Variants in CABLES1 observed in about 807,000 individuals in gnomAD.
The protein encoded by CABLES1 is CDK5 and ABL1 enzyme substrate 1.
In CABLES1, 36 loss-of-function variants were observed where a neutral mutation model predicts 57.8. The observed-to-expected ratio is 0.62, with a 90% CI of 0.48 to 0.82. The LOEUF is 0.82. Among genes scored for constraint, CABLES1 ranks in the 40% least tolerant of loss-of-function variants. The pLI is 0.00. For missense variants in CABLES1, 767 were observed against 836.6 expected, an observed-to-expected ratio of 0.92 and a Z score of 1.03; for synonymous variants, 374 against 363.0, an observed-to-expected ratio of 1.03 and a Z score of -0.35.
chr18:23,203,652 G>C (rs1448000081), intron 3 of CABLES1, among the ~76,000 whole-genome samples: 1 of 152,162 alleles, frequency 6.6e-6, no homozygotes, highest in Non-Finnish European at 1.5e-5. Context: ...TCAGTTCCAA[G>C]CTGTCGGCCT....
In CABLES1 at chr18:23,145,289, G is replaced by C. The variant is rs573074590; in HGVS notation, c.845+8682G>C. ...GGTTTCATCATGTTAGCCAGGCTGG[G>C]CTCGATCTCTTGACCTCGTGATCTG... On this transcript the variant is annotated intron_variant, in intron 1 of 9. Transcript: ENST00000256925. Among the ~76,000 whole-genome samples the C allele has an allele frequency of 1.1e-3, 171 of 151,894 alleles. 2 individuals are homozygous for C. Among genetic ancestry groups the C allele is most frequent in the African/African-American group, 3.9e-3 (160 of 41,386 alleles).
At chr18:23,238,884 G>A (rs555983775) in intron 7 of CABLES1, among the ~76,000 whole-genome samples, 1 of 152,168 alleles carries the variant, frequency 6.6e-6, no homozygotes, top group Non-Finnish European at 1.5e-5. Flanking sequence ...CACAACTGCC[G>A]ACCTCGGGGT....
chr18:23,158,228 G>T (rs924927216), intron 1 of CABLES1, among the ~76,000 whole-genome samples: 1 of 152,056 alleles, frequency 6.6e-6, no homozygotes, highest in African/African-American at 2.4e-5. Context: ...CTTGAGCCTG[G>T]CAGGTCAAGG....
chr18:23,163,469 A>G (rs1024612708), intron 1 of CABLES1, among the ~76,000 whole-genome samples: 1 of 152,136 alleles, frequency 6.6e-6, no homozygotes, highest in Non-Finnish European at 1.5e-5. Flanking sequence ...GTAGAAGAGC[A>G]CCTAGCAACA....
At chr18:23,158,612 C>G (rs1689876820) in intron 1 of CABLES1, among the ~76,000 whole-genome samples, 4 of 152,134 alleles carry the variant, frequency 2.6e-5, no homozygotes, top group Admixed American at 2.0e-4. Context: ...TGTTTTGGAG[C>G]TTTATTTATC....
At chr18:23,164,417 C>T (rs2047027141) in intron 1 of CABLES1, among the ~76,000 whole-genome samples, 3 of 151,728 alleles carry the variant, frequency 2.0e-5, no homozygotes, top group South Asian at 2.1e-4. Flanking sequence ...TGTAGGGCCA[C>T]GTATAGGCAC....
chr18:23,192,511 A>G (rs2047251606), intron 2 of CABLES1, among the ~76,000 whole-genome samples: 1 of 152,160 alleles, frequency 6.6e-6, no homozygotes, highest in East Asian at 1.9e-4. Flanking sequence ...AGGTGGGAGG[A>G]AGGAGCCAGA....
At chr18:23,238,127 T>C (rs2145088747) in intron 7 of CABLES1, among the ~76,000 whole-genome samples, 1 of 152,386 alleles carries the variant, frequency 6.6e-6, no homozygotes. Flanking sequence ...GCTCCCAGCC[T>C]GAGCTGTTCT....
chr18:23,246,531 A>G (rs1303746266), intron 7 of CABLES1, among the ~76,000 whole-genome samples: 2 of 151,780 alleles, frequency 1.3e-5, no homozygotes, highest in African/African-American at 4.8e-5. Flanking sequence ...AGCTGGGACT[A>G]CAGGCACCCG....
intron 8 of CABLES1, 124 bp downstream of exon 8, chr18:23,253,190 G>A: frequency 1.6e-6 from 1 of 640,344 alleles, no homozygotes; most frequent in Non-Finnish European, 2.9e-6. Flanking sequence ...GTCACATTCA[G>A]CAGAAAGGAC....
At chr18:23,173,328 A>G (rs1050065519) in intron 1 of CABLES1, among the ~76,000 whole-genome samples, 3 of 152,304 alleles carry the variant, frequency 2.0e-5, no homozygotes, top group African/African-American at 4.8e-5. Flanking sequence ...TTTGAAAGGA[A>G]AGGGAATGGC....
At chr18:23,157,747 A>T (rs2046975207) in intron 1 of CABLES1, among the ~76,000 whole-genome samples, 1 of 152,198 alleles carries the variant, frequency 6.6e-6, no homozygotes, top group Non-Finnish European at 1.5e-5. Context: ...ACGTGCTTAT[A>T]GTCCCAGCTA....
chr18:23,248,237 G>T (rs1714781140), intron 7 of CABLES1, among the ~76,000 whole-genome samples: 2 of 152,206 alleles, frequency 1.3e-5, no homozygotes, highest in Admixed American at 1.3e-4. Context: ...GATATCGTCA[G>T]TGCCTTTATG....
intron 7 of CABLES1, among the ~76,000 whole-genome samples, chr18:23,242,843 C>G (rs1445482434): frequency 6.6e-6 from 1 of 151,930 alleles, no homozygotes; most frequent in East Asian, 1.9e-4. Context: ...CTCCCTCTAC[C>G]CCTACATCTC....
chr18:23,152,844 C>T (rs1172944129), intron 1 of CABLES1, among the ~76,000 whole-genome samples: 1 of 151,760 alleles, frequency 6.6e-6, no homozygotes, highest in Non-Finnish European at 1.5e-5. Flanking sequence ...TCTTGTTGCC[C>T]AGGCTGGAGT....
intron 1 of CABLES1, among the ~76,000 whole-genome samples, chr18:23,164,962 AG>A (rs1374147230): frequency 1.3e-5 from 2 of 151,994 alleles, no homozygotes; most frequent in Non-Finnish European, 2.9e-5. Context: ...TAGTAGAGAC[AG>A]GGTTTTACCA....
At position 23,240,637 on chromosome 18, in the gene CABLES1, A is replaced by G. The variant is rs200923749; in HGVS notation, c.1446+3392A>G. On this transcript the variant is annotated intron_variant, in intron 7 of 9. Transcript: ENST00000256925. Reference sequence around the variant, plus strand: ...GGGAAGGAGCAGGCTTGTTGGTCACAGGCCAATTATGCAGAGCTGCTCACC... The same window carrying G: ...GGGAAGGAGCAGGCTTGTTGGTCACGGGCCAATTATGCAGAGCTGCTCACC... 3.9e-5 allele frequency among the ~76,000 whole-genome samples: 6 copies of G among 152,336 alleles called. No homozygotes were observed. In the East Asian group the frequency reaches 1.2e-3, roughly 29 times the overall value.
In CABLES1 at chr18:23,136,044, C is replaced by G. The variant is rs1388894090; in HGVS notation, c.282C>G (p.Ala94=). The change falls in exon 1 of 10, where the codon GCC becomes GCG. Residue 94 remains alanine, a synonymous_variant. Transcript: ENST00000256925. ...EWGGGEEGGA[A]KPGAGGACGA... The stretch of plus-strand genomic sequence containing the variant: ...GCGGTGGCGAGGAGGGCGGCGCGGC[C>G]AAGCCGGGCGCCGGCGGCGCCTGCG... The G allele has an allele frequency of 8.8e-7, 1 of 1,137,382 alleles. No individual in the cohort carries two copies. Among genetic ancestry groups the G allele is most frequent in the Middle Eastern group, 3.6e-4 (1 of 2,754 alleles). The allele number at this position is 1,137,382 out of a possible 1,614,324, so 70.5% of individuals were successfully genotyped here. A position where few individuals can be genotyped will look rare whatever the true frequency, so the allele number is the denominator to read the frequency against.
intron 1 of CABLES1, among the ~76,000 whole-genome samples, chr18:23,150,496 G>A (rs1268141265): frequency 2.6e-5 from 4 of 152,088 alleles, no homozygotes; most frequent in Non-Finnish European, 5.9e-5. Context: ...GATTACAGCC[G>A]TGAGCCACCA....
Sources: gnomAD v4.1 joint callset for allele counts (sites outside exome capture counted in the v4.1 genomes callset) on GRCh38, gnomAD v4.1.1 for gene constraint, MANE v1.5 for transcripts, NCBI Gene and HGNC (gene_info 2026-07-23, HGNC 2026-07-21) for gene names.